Variants in IFT81 observed in about 807,000 individuals in gnomAD.
IFT81 encodes intraflagellar transport protein 81 homolog.
A neutral mutation model predicts 102.6 loss-of-function variants in IFT81; 72 were observed. The observed-to-expected ratio is 0.70, with a 90% CI of 0.58 to 0.85. IFT81 has a LOEUF of 0.85. Ranked by LOEUF, IFT81 falls within the 40% of genes least tolerant of loss-of-function variation. IFT81 has a pLI of 0.00. For synonymous variants in IFT81, 237 were observed against 242.7 expected (o/e 0.98, Z 0.22); for missense variants, 723 against 787.3 (o/e 0.92, Z 0.98).
intron 11 of IFT81, among the ~76,000 whole-genome samples, chr12:110,172,413 T>C (rs573126185): frequency 6.3e-4 from 95 of 151,854 alleles, no homozygotes; most frequent in Non-Finnish European, 1.0e-3. Flanking sequence ...TCCCTCTCTT[T>C]CCACGGTCTC....
At position 110,205,624 on chromosome 12, in the gene IFT81, T is replaced by G. The variant is rs369947967; in HGVS notation, c.1746T>G (p.Thr582=). The change falls in exon 17 of 19, where the codon ACT becomes ACG. Residue 582 remains threonine (T), a synonymous_variant. Coordinates refer to ENST00000242591, the MANE Select transcript of IFT81 (RefSeq NM_014055.4). ...KNLEVQLRRA[T]DEMKAYISSD... is the part of the protein sequence containing the mutation. ...TAGAAGTTCAACTTCGTCGTGCTAC[T>G]GATGAGATGAAGGCATATATCTCTT... is the stretch of plus-strand genomic sequence containing the variant. The G allele has an allele frequency of 1.2e-6, 2 of 1,604,772 alleles. No homozygotes were observed. The highest frequency in any genetic ancestry group is 2.3e-5 in the South Asian group (2 of 87,664).
Position 110,134,940 on chromosome 12 carries a change from CT to C in IFT81, c.520-3del, listed in dbSNP as rs1566105014. On this transcript the variant is annotated splice_region_variant and splice_polypyrimidine_tract_variant and intron_variant, in intron 5 of 18. Coordinates refer to ENST00000242591, the MANE Select transcript of IFT81 (RefSeq NM_014055.4). ...TTTTCTTATAAGGTCTTCTTTGCCA[CT>C]TTTTAGGATATCAGTGCAATGGAAG... is the stretch of plus-strand genomic sequence containing the variant. 6.2e-7 allele frequency: 1 copy of C among 1,605,016 alleles called. No homozygotes were observed.
At chr12:110,187,271 T>G (rs1272307033) in intron 12 of IFT81, among the ~76,000 whole-genome samples, 1 of 152,092 alleles carries the variant, frequency 6.6e-6, no homozygotes, top group African/African-American at 2.4e-5. Flanking sequence ...TTGTTTTTGT[T>G]TTTGTTTTTT....
intron 3 of IFT81, 77 bp downstream of exon 3, chr12:110,128,226 T>G (rs911202756): frequency 1.3e-5 from 11 of 856,184 alleles, no homozygotes; most frequent in Non-Finnish European, 2.1e-5. Flanking sequence ...AATCAATCTT[T>G]GTAGGTAATA....
chr12:110,172,437 G>C (rs1448272196), intron 11 of IFT81, among the ~76,000 whole-genome samples: 1 of 152,086 alleles, frequency 6.6e-6, no homozygotes, highest in Non-Finnish European at 1.5e-5. Flanking sequence ...CTGATGCCGA[G>C]CTGAAGCTGG....
chr12:110,143,262 A>G (rs894295172), intron 8 of IFT81, 120 bp from the exon 9 acceptor site: 1 of 498,524 alleles, frequency 2.0e-6, no homozygotes, highest in Non-Finnish European at 3.0e-6. Context: ...ACTATGCTAT[A>G]TATTATACAG....
In IFT81 at chr12:110,162,948, C is replaced by G. The variant is rs772962584; in HGVS notation, c.1071C>G (p.Ala357=). ...CTATCATTTCCCGTAAAAAAGAAGC[C>G]AAAGCTGAGGAACTTCAGGAGGCCA... The part of the protein sequence containing the change: ...QASIISRKKE[A]KAEELQEAKE... Residue 357 remains alanine (A), a synonymous_variant, in exon 11 of 19, where the codon GCC becomes GCG. Transcript: ENST00000242591. 4 of 1,613,234 alleles carry G rather than the reference C, an allele frequency of 2.5e-6. No homozygotes were observed. Among genetic ancestry groups the G allele is most frequent in the Non-Finnish European group, 3.4e-6 (4 of 1,179,762 alleles).
At chr12:110,153,210 G>C (rs1895639897) in intron 10 of IFT81, among the ~76,000 whole-genome samples, 1 of 152,186 alleles carries the variant, frequency 6.6e-6, no homozygotes. Context: ...GTAAAAGTTT[G>C]AGAAGGATTT....
At chr12:110,189,110 CCTAA>C (rs955784760) in intron 12 of IFT81, among the ~76,000 whole-genome samples, 18 of 152,156 alleles carry the variant, frequency 1.2e-4, no homozygotes, top group African/African-American at 3.6e-4. Flanking sequence ...GGTTTTTCTT[CCTAA>C]CTAACACTCC....
intron 8 of IFT81, among the ~76,000 whole-genome samples, chr12:110,142,031 A>T (rs1295302686): frequency 6.6e-6 from 1 of 152,248 alleles, no homozygotes; most frequent in Non-Finnish European, 1.5e-5. Flanking sequence ...TCCAACTGCA[A>T]AAATAAGAAA....
intron 14 of IFT81, among the ~76,000 whole-genome samples, chr12:110,193,202 T>C (rs944649098): frequency 1.3e-4 from 20 of 152,246 alleles, no homozygotes; most frequent in African/African-American, 4.6e-4. Flanking sequence ...GGGTTTTTGT[T>C]TAATTTATGC....
At chr12:110,175,234 A>T (rs1440636766) in intron 11 of IFT81, among the ~76,000 whole-genome samples, 3 of 152,216 alleles carry the variant, frequency 2.0e-5, no homozygotes, top group African/African-American at 7.2e-5. Flanking sequence ...TTTAAAAATT[A>T]TTTTTTTCCT....
intron 14 of IFT81, among the ~76,000 whole-genome samples, chr12:110,196,535 A>G (rs1486625571): frequency 6.6e-6 from 1 of 152,116 alleles, no homozygotes; most frequent in Non-Finnish European, 1.5e-5. Context: ...AAGAGAAAAC[A>G]AACAAAATCT....
At chr12:110,172,814 CT>C (rs1297261455) in intron 11 of IFT81, among the ~76,000 whole-genome samples, 1 of 151,962 alleles carries the variant, frequency 6.6e-6, no homozygotes, top group Non-Finnish European at 1.5e-5. Context: ...GCCACCCCGT[CT>C]AGGAAGTGAG....
chr12:110,216,881 A>G (rs1253267721), intron 18 of IFT81: 1 of 277,690 alleles, frequency 3.6e-6, no homozygotes, highest in Non-Finnish European at 7.0e-6. Context: ...GTTTTAGTAT[A>G]TAGAATATAC....
chr12:110,182,416 C>A (rs186895199), intron 12 of IFT81, among the ~76,000 whole-genome samples: 54 of 152,282 alleles, frequency 3.5e-4, no homozygotes, highest in African/African-American at 1.2e-3. Context: ...GTTCCCTCAC[C>A]TCAGCTAGTA....
intron 11 of IFT81, among the ~76,000 whole-genome samples, chr12:110,176,021 A>G (rs1212760035): frequency 2.0e-5 from 3 of 151,232 alleles, no homozygotes; most frequent in African/African-American, 7.3e-5. Context: ...CACCAACCAC[A>G]TTTTCACCCT....
At chr12:110,207,084 C>T (rs1868735147) in intron 17 of IFT81, among the ~76,000 whole-genome samples, 4 of 151,736 alleles carry the variant, frequency 2.6e-5, no homozygotes, top group Admixed American at 2.6e-4. Context: ...GGCTGGAGTG[C>T]AGTGGCACGA....
intron 11 of IFT81, chr12:110,169,323 G>GC (rs962205221): frequency 3.3e-5 from 5 of 152,048 alleles, no homozygotes; most frequent in African/African-American, 1.2e-4. Context: ...CACCCCATGT[G>GC]CCTTTTCCCT....
Sources: gnomAD v4.1 joint callset for allele counts (sites outside exome capture counted in the v4.1 genomes callset) on GRCh38, gnomAD v4.1.1 for gene constraint, MANE v1.5 for transcripts, NCBI Gene and HGNC (gene_info 2026-07-23, HGNC 2026-07-21) for gene names.